The following CSMD1 variants were observed in gnomAD, a reference collection of about 807,000 sequenced individuals.
The protein encoded by CSMD1 is CUB and Sushi multiple domains 1.
Under a neutral mutation model 417.5 loss-of-function variants are expected in CSMD1, and 213 were observed. That is an observed-to-expected ratio of 0.51 (90% confidence interval 0.46 to 0.57). CSMD1 has a LOEUF of 0.57. Among genes scored for constraint, CSMD1 ranks in the 20% least tolerant of loss-of-function variants. CSMD1 has a pLI of 0.00. For missense variants in CSMD1, 6,923 were observed against 4,529.7 expected (o/e 1.53, Z -15.17); for synonymous variants, 2,862 against 1,736.8 (o/e 1.65, Z -16.11).
Position 4,032,204 on chromosome 8 carries a change from A to G in CSMD1, c.416-105T>C, listed in dbSNP as rs370955447. 85 of 741,094 alleles carry G rather than the reference A, an allele frequency of 1.1e-4. No homozygotes were observed. The African/African-American group carries it at 1.2e-3, about 10-fold the overall frequency. 45.9% of individuals were successfully genotyped at this position (741,094 alleles called of 1,614,324 possible). On this transcript the variant is annotated intron_variant, in intron 3 of 69. Coordinates refer to ENST00000635120, the MANE Select transcript of CSMD1 (RefSeq NM_033225.6). ...ATTTTTGAATTATTAAAATGAGAAA[A>G]CCTCTAGCATCAGAAAAATATTAAT... is the stretch of plus-strand genomic sequence containing the variant.
intron 5 of CSMD1, among the ~76,000 whole-genome samples, chr8:3,968,290 G>A (rs1715686900): frequency 6.6e-6 from 1 of 151,932 alleles, no homozygotes; most frequent in African/African-American, 2.4e-5. Flanking sequence ...GTATTGCCTG[G>A]ACAATACTCA....
At chr8:3,446,211 T>C (rs1815297903) in intron 12 of CSMD1, among the ~76,000 whole-genome samples, 1 of 152,208 alleles carries the variant, frequency 6.6e-6, no homozygotes, top group Non-Finnish European at 1.5e-5. Flanking sequence ...GTGAATGCAC[T>C]TTCTGAAGCA....
chr8:3,773,941 C>T (rs1348226048), intron 5 of CSMD1, among the ~76,000 whole-genome samples: 3 of 152,132 alleles, frequency 2.0e-5, no homozygotes, highest in Non-Finnish European at 2.9e-5. Context: ...CATGACATTG[C>T]ACAGCTAACA....
chr8:3,220,949 T>C (rs80068059), intron 28 of CSMD1, among the ~76,000 whole-genome samples: 7,385 of 152,262 alleles, frequency 0.049, 296 homozygotes, highest in East Asian at 0.19. Context: ...GCACTCAATT[T>C]ACAAAGCTCC....
intron 2 of CSMD1, among the ~76,000 whole-genome samples, chr8:4,423,141 C>G (rs540947469): frequency 6.6e-6 from 1 of 151,978 alleles, no homozygotes; most frequent in Non-Finnish European, 1.5e-5. Flanking sequence ...GGAAACAAGT[C>G]AAGAAATTTG....
At chr8:4,558,257 A>G (rs1264327137) in intron 2 of CSMD1, among the ~76,000 whole-genome samples, 1 of 152,208 alleles carries the variant, frequency 6.6e-6, no homozygotes, top group Admixed American at 6.5e-5. Context: ...CCTGGTGAGT[A>G]TCCACTTCCA....
chr8:4,050,430 A>T (rs930312028), intron 3 of CSMD1, among the ~76,000 whole-genome samples: 1 of 152,078 alleles, frequency 6.6e-6, no homozygotes, highest in Non-Finnish European at 1.5e-5. Flanking sequence ...TGTTTTTTGC[A>T]TATATACATA....
intron 3 of CSMD1, among the ~76,000 whole-genome samples, chr8:4,142,272 T>A (rs1361975319): frequency 1.3e-5 from 2 of 151,168 alleles, no homozygotes; most frequent in Non-Finnish European, 1.5e-5. Flanking sequence ...CTTCTACTCT[T>A]GGTATAAGGT....
At chr8:4,408,941 A>G (rs1411888536) in intron 3 of CSMD1, among the ~76,000 whole-genome samples, 2 of 152,218 alleles carry the variant, frequency 1.3e-5, no homozygotes, top group Admixed American at 6.5e-5. Context: ...ATAAATTTAC[A>G]TGTTGCATTC....
intron 2 of CSMD1, among the ~76,000 whole-genome samples, chr8:4,556,451 T>G (rs1182997772): frequency 2.0e-5 from 3 of 152,122 alleles, no homozygotes; most frequent in Non-Finnish European, 4.4e-5. Context: ...GCATCCACAC[T>G]GTGCTCATAT....
At chr8:3,036,333 T>C (rs905640025) in intron 50 of CSMD1, among the ~76,000 whole-genome samples, 1 of 152,204 alleles carries the variant, frequency 6.6e-6, no homozygotes, top group East Asian at 1.9e-4. Context: ...ATAAATCTTC[T>C]GTGATATTCT....
intron 26 of CSMD1, among the ~76,000 whole-genome samples, chr8:3,235,635 G>C (rs1799104293): frequency 6.6e-6 from 1 of 152,132 alleles, no homozygotes. Flanking sequence ...AGTTTTCCTA[G>C]AAAATCTCTT....
intron 7 of CSMD1, among the ~76,000 whole-genome samples, chr8:3,620,747 G>A (rs1190187372): frequency 1.3e-5 from 2 of 152,072 alleles, no homozygotes; most frequent in Non-Finnish European, 2.9e-5. Flanking sequence ...TGGGACAAAG[G>A]AGGGACAAAA....
At chr8:3,114,254 A>C (rs1043862723) in intron 42 of CSMD1, among the ~76,000 whole-genome samples, 2 of 152,096 alleles carry the variant, frequency 1.3e-5, no homozygotes, top group African/African-American at 4.8e-5. Flanking sequence ...AAATAAATAA[A>C]TAAAGTGAAA....
rs150784256 is a variant in CSMD1 at position 4,747,992 on chromosome 8, G to A, written c.86-110434C>T. Among the ~76,000 whole-genome samples the A allele has an allele frequency of 3.6e-4, 55 of 152,308 alleles. 1 individual carries two copies. The highest frequency in any genetic ancestry group is 9.9e-4 in the African/African-American group (41 of 41,570). ...CACACCGTATATTGGCTCTGCTGAT[G>A]TATTAGTTTCACTAAGTTATCCATC... On this transcript the variant is annotated intron_variant, in intron 1 of 69. Transcript: ENST00000635120.
intron 12 of CSMD1, among the ~76,000 whole-genome samples, chr8:3,422,003 C>T (rs775136463): frequency 5.5e-5 from 8 of 146,184 alleles, no homozygotes; most frequent in Non-Finnish European, 7.4e-5. Flanking sequence ...CGTGAGCCAC[C>T]GCGCCCGGCC....
chr8:4,039,016 TTAAG>T (rs1797755039), intron 3 of CSMD1, among the ~76,000 whole-genome samples: 1 of 151,590 alleles, frequency 6.6e-6, no homozygotes, highest in Non-Finnish European at 1.5e-5. Flanking sequence ...GGATGTCATA[TTAAG>T]TATCTTTCCA....
chr8:4,089,716 G>A (rs1659992575), intron 3 of CSMD1, among the ~76,000 whole-genome samples: 1 of 152,274 alleles, frequency 6.6e-6, no homozygotes, highest in South Asian at 2.1e-4. Flanking sequence ...GCTAGCTCAA[G>A]ATTATTTTAA....
chr8:3,742,339 A>G (rs1412126978), intron 6 of CSMD1, among the ~76,000 whole-genome samples: 11 of 152,212 alleles, frequency 7.2e-5, no homozygotes, highest in Admixed American at 6.5e-4. Context: ...CATAACTTAC[A>G]TTAACATTTC....
Sources: gnomAD v4.1 joint callset for allele counts (sites outside exome capture counted in the v4.1 genomes callset) on GRCh38, gnomAD v4.1.1 for gene constraint, MANE v1.5 for transcripts, NCBI Gene and HGNC (gene_info 2026-07-23, HGNC 2026-07-21) for gene names.